The following ROBO2 variants were observed in gnomAD, a reference collection of about 807,000 sequenced individuals.
ROBO2 encodes roundabout guidance receptor 2.
Under a neutral mutation model 160.8 loss-of-function variants are expected in ROBO2, and 53 were observed. The observed-to-expected ratio is 0.33, with a 90% CI of 0.26 to 0.41. The LOEUF (loss-of-function observed/expected upper bound fraction) is 0.41. Ranked by LOEUF, ROBO2 falls within the 10% of genes least tolerant of loss-of-function variation. The pLI, the probability that ROBO2 is intolerant of heterozygous loss-of-function variation, is 1.00. For synonymous variants in ROBO2, 664 were observed against 611.7 expected (o/e 1.09, Z -1.26); for missense variants, 1,577 against 1,722.4 (o/e 0.92, Z 1.49).
At chr3:77,028,079 T>C (rs1463523420) in intron 2 of ROBO2, among the ~76,000 whole-genome samples, 2 of 152,058 alleles carry the variant, frequency 1.3e-5, no homozygotes, top group Non-Finnish European at 2.9e-5. Flanking sequence ...TTCATTCTGT[T>C]TCATTTCCTT....
chr3:77,123,407 A>G (rs998593393), intron 2 of ROBO2, among the ~76,000 whole-genome samples: 6 of 152,110 alleles, frequency 3.9e-5, no homozygotes, highest in African/African-American at 1.4e-4. Flanking sequence ...TATTGCTTTT[A>G]CAAAGGTGCA....
In ROBO2 at chr3:75,965,744, G is replaced by A. The variant is rs74195507; in HGVS notation, c.109+28142G>A. ...CATCCATATTTTACCAAAGAAGAAA[G>A]ATGACCAAAGCACATGATTAATAGA... On this transcript the variant is annotated intron_variant, in intron 2 of 26. Coordinates refer to the ROBO2 transcript ENST00000487694. 3.8e-4 allele frequency among the ~76,000 whole-genome samples: 58 copies of A among 151,730 alleles called. No homozygotes were observed. In the East Asian group the frequency reaches 0.011, roughly 29 times the overall value.
At chr3:77,629,062 GT>G (rs2095099821) in intron 23 of ROBO2, 1 of 152,200 alleles carries the variant, frequency 6.6e-6, no homozygotes, top group African/African-American at 2.4e-5. Flanking sequence ...ATAATTGGGA[GT>G]TTTAAGGACA....
At chr3:76,728,910 G>T (rs2093592245) in intron 2 of ROBO2, among the ~76,000 whole-genome samples, 1 of 151,486 alleles carries the variant, frequency 6.6e-6, no homozygotes, top group South Asian at 2.1e-4. Flanking sequence ...ACCATAAGTT[G>T]TTTTTTTTTT....
chr3:76,833,259 A>G (rs2067241177), intron 2 of ROBO2, among the ~76,000 whole-genome samples: 1 of 152,210 alleles, frequency 6.6e-6, no homozygotes. Flanking sequence ...AAGACTGTCA[A>G]CATTGTTTTA....
intron 2 of ROBO2, among the ~76,000 whole-genome samples, chr3:76,759,814 T>C (rs1260140733): frequency 2.0e-5 from 3 of 151,778 alleles, no homozygotes; most frequent in Admixed American, 6.6e-5. Context: ...CTTCCTAAGT[T>C]GTAAAATAAG....
chr3:77,011,132 T>C (rs1002921700), intron 2 of ROBO2, among the ~76,000 whole-genome samples: 11 of 149,182 alleles, frequency 7.4e-5, no homozygotes, highest in African/African-American at 2.7e-4. Context: ...CTTTCTTTAA[T>C]TTTTCTTTCC....
intron 2 of ROBO2, among the ~76,000 whole-genome samples, chr3:76,398,951 C>T (rs138431576): frequency 1.1e-4 from 16 of 151,800 alleles, no homozygotes; most frequent in African/African-American, 3.9e-4. Context: ...AATCTATTAT[C>T]ATCATAATTG....
chr3:76,956,680 G>A (rs1016442846), intron 2 of ROBO2, among the ~76,000 whole-genome samples: 2 of 151,898 alleles, frequency 1.3e-5, no homozygotes, highest in African/African-American at 4.8e-5. Context: ...ATGGCAGAGA[G>A]AGAGAGATGA....
At chr3:76,359,966 G>A (rs1232583113) in intron 2 of ROBO2, among the ~76,000 whole-genome samples, 4 of 151,982 alleles carry the variant, frequency 2.6e-5, no homozygotes, top group East Asian at 3.9e-4. Context: ...CAAGAACAAA[G>A]CATGCAGCTT....
chr3:76,957,225 T>G (rs913852406), intron 2 of ROBO2, among the ~76,000 whole-genome samples: 5 of 152,106 alleles, frequency 3.3e-5, no homozygotes, highest in Admixed American at 2.6e-4. Flanking sequence ...TTTTGATTGA[T>G]TATATCCATT....
chr3:76,510,806 A>C (rs1480570960), intron 2 of ROBO2, among the ~76,000 whole-genome samples: 1 of 152,174 alleles, frequency 6.6e-6, no homozygotes. Flanking sequence ...ATAAATGAAG[A>C]TCTTGACTGT....
At chr3:76,367,209 T>G (rs1467947416) in intron 2 of ROBO2, among the ~76,000 whole-genome samples, 1 of 152,042 alleles carries the variant, frequency 6.6e-6, no homozygotes, top group Non-Finnish European at 1.5e-5. Flanking sequence ...ATTCCTAATA[T>G]CATCTGATCT....
chr3:75,998,220 A>G (rs1467812625), intron 2 of ROBO2, among the ~76,000 whole-genome samples: 2 of 152,122 alleles, frequency 1.3e-5, no homozygotes, highest in African/African-American at 4.8e-5. Context: ...AATCTCCCCT[A>G]TTTCATGCTA....
intron 1 of ROBO2, among the ~76,000 whole-genome samples, chr3:75,909,340 A>T (rs1162928545): frequency 6.6e-6 from 1 of 152,194 alleles, no homozygotes; most frequent in Non-Finnish European, 1.5e-5. Flanking sequence ...CATGCTCAGT[A>T]CAGTTTAGGG....
intron 2 of ROBO2, among the ~76,000 whole-genome samples, chr3:76,141,514 T>C (rs2071669775): frequency 1.3e-5 from 2 of 151,652 alleles, no homozygotes; most frequent in South Asian, 4.2e-4. Flanking sequence ...ATGAGTAACA[T>C]TGAATAAAAA....
At chr3:76,276,315 T>G (rs1404115477) in intron 2 of ROBO2, among the ~76,000 whole-genome samples, 1 of 152,054 alleles carries the variant, frequency 6.6e-6, no homozygotes, top group Non-Finnish European at 1.5e-5. Flanking sequence ...ATGATAGATA[T>G]TAGCCACATA....
intron 2 of ROBO2, among the ~76,000 whole-genome samples, chr3:76,854,079 C>T (rs201694116): frequency 1.5e-4 from 20 of 132,500 alleles, no homozygotes; most frequent in South Asian, 2.5e-4. Flanking sequence ...TCTCTGTCTG[C>T]CTCTCTCTCT....
chr3:76,651,237 C>T (rs964358844), intron 2 of ROBO2, among the ~76,000 whole-genome samples: 2 of 152,096 alleles, frequency 1.3e-5, no homozygotes, highest in Non-Finnish European at 2.9e-5. Context: ...TTCCTCATCG[C>T]GGCCAGGATG....
Sources: gnomAD v4.1 joint callset for allele counts (sites outside exome capture counted in the v4.1 genomes callset) on GRCh38, gnomAD v4.1.1 for gene constraint, MANE v1.5 for transcripts, NCBI Gene and HGNC (gene_info 2026-07-23, HGNC 2026-07-21) for gene names.